SUSD4: variants seen among roughly 807,000 people sequenced by gnomAD.
SUSD4 encodes the protein sushi domain containing 4, also known as sushi domain-containing protein 4.
SUSD4 carries 41 observed loss-of-function variants against 50.5 expected under a neutral mutation model. The ratio of observed to expected loss-of-function variants is 0.81; its 90% CI spans 0.63 to 1.05. SUSD4 has a LOEUF of 1.05. SUSD4 is among the 50% of genes least tolerant of loss of function. SUSD4 has a pLI of 0.00. For missense variants in SUSD4, 580 were observed against 634.7 expected, an observed-to-expected ratio of 0.91 and a Z score of 0.93; for synonymous variants, 257 against 257.3, an observed-to-expected ratio of 1.00 and a Z score of 0.01.
chr1:223,329,921 G>T (rs768812501), intron 2 of SUSD4, among the ~76,000 whole-genome samples: 2 of 152,166 alleles, frequency 1.3e-5, no homozygotes, highest in Non-Finnish European at 2.9e-5. Context: ...TGAACAGATG[G>T]ACAGATGAAT....
chr1:223,301,450 G>A (rs139164128), intron 2 of SUSD4, among the ~76,000 whole-genome samples: 1 of 152,210 alleles, frequency 6.6e-6, no homozygotes, highest in African/African-American at 2.4e-5. Context: ...TTGGTTTCAT[G>A]AAACAGAGTT....
chr1:223,248,247 T>C (rs191195363), intron 5 of SUSD4, among the ~76,000 whole-genome samples: 78 of 152,296 alleles, frequency 5.1e-4, no homozygotes, highest in African/African-American at 1.8e-3. Flanking sequence ...GGAAAGCCAG[T>C]GAGCCTGTAT....
At chr1:223,342,029 G>C (rs553832135) in intron 2 of SUSD4, among the ~76,000 whole-genome samples, 3 of 152,148 alleles carry the variant, frequency 2.0e-5, no homozygotes, top group Admixed American at 6.5e-5. Flanking sequence ...CAGCCCAGAC[G>C]AGTCTCCAAA....
chr1:223,297,013 A>G (rs1664868175), intron 2 of SUSD4, among the ~76,000 whole-genome samples: 1 of 152,254 alleles, frequency 6.6e-6, no homozygotes, highest in Admixed American at 6.5e-5. Flanking sequence ...ACCATCAAGA[A>G]GAAAGACCTG....
chr1:223,355,032 A>T (rs1572130728), intron 2 of SUSD4, among the ~76,000 whole-genome samples: 1 of 150,528 alleles, frequency 6.6e-6, no homozygotes, highest in Non-Finnish European at 1.5e-5. Flanking sequence ...ATTTCAGCTC[A>T]CTGCACTTCT....
chr1:223,323,884 T>C (rs980636516), intron 2 of SUSD4, among the ~76,000 whole-genome samples: 3 of 151,720 alleles, frequency 2.0e-5, no homozygotes, highest in Admixed American at 1.3e-4. Flanking sequence ...ACAACCCAGA[T>C]AGAAAGTCTG....
chr1:223,281,575 C>G (rs1313499593), intron 3 of SUSD4, among the ~76,000 whole-genome samples: 1 of 152,174 alleles, frequency 6.6e-6, no homozygotes, highest in Non-Finnish European at 1.5e-5. Flanking sequence ...ATAACAGGCT[C>G]TGAAATTGAG....
At chr1:223,363,220 G>C in intron 2 of SUSD4, 58 bp downstream of exon 2, 3 of 1,440,322 alleles carry the variant, frequency 2.1e-6, no homozygotes. Flanking sequence ...CTGGCAGCTA[G>C]GCTCTTTCTC....
chr1:223,298,657 C>T (rs1359751787), intron 2 of SUSD4, among the ~76,000 whole-genome samples: 1 of 152,176 alleles, frequency 6.6e-6, no homozygotes, highest in Non-Finnish European at 1.5e-5. Flanking sequence ...TGTTCTCTCT[C>T]AGAGAAGGAC....
intron 3 of SUSD4, among the ~76,000 whole-genome samples, chr1:223,272,900 A>G (rs905000685): frequency 6.6e-6 from 1 of 152,154 alleles, no homozygotes; most frequent in Non-Finnish European, 1.5e-5. Context: ...CAGCACTTGC[A>G]TGGGAGAAGA....
At chr1:223,322,691 T>C (rs950796688) in intron 2 of SUSD4, among the ~76,000 whole-genome samples, 3 of 152,126 alleles carry the variant, frequency 2.0e-5, no homozygotes, top group Non-Finnish European at 2.9e-5. Flanking sequence ...TGTGTGTGCA[T>C]ATGCATGCGA....
chr1:223,227,528 T>G lies in SUSD4; in HGVS notation c.1061+66A>C. On this transcript the variant is annotated intron_variant, in intron 7 of 8. Coordinates refer to ENST00000366878, the MANE Select transcript of SUSD4 (RefSeq NM_017982.4). The surrounding 1 kb of genome is among the most constrained non-coding windows in gnomAD (Gnocchi z 4.5). ...AACTTTTCACTCATCACTTTCTCCCTCTGCTGCTAAGGGTAGCTGCATTGA... is the reference window on the plus strand; with the variant it reads ...AACTTTTCACTCATCACTTTCTCCCGCTGCTGCTAAGGGTAGCTGCATTGA... 6.4e-7 allele frequency: 1 copy of G among 1,566,492 alleles called. No individual in the cohort carries two copies. Among genetic ancestry groups the G allele is most frequent in the Non-Finnish European group, 8.7e-7 (1 of 1,146,786 alleles).
chr1:223,311,255 A>G (rs893668885), intron 2 of SUSD4, among the ~76,000 whole-genome samples: 2 of 152,228 alleles, frequency 1.3e-5, no homozygotes, highest in Admixed American at 6.5e-5. Context: ...TATGCTGTCA[A>G]TGGAGTTAGT....
At chr1:223,247,042 C>A (rs1467110403) in intron 5 of SUSD4, among the ~76,000 whole-genome samples, 1 of 152,052 alleles carries the variant, frequency 6.6e-6, no homozygotes, top group Non-Finnish European at 1.5e-5. Flanking sequence ...GCCACTGAGC[C>A]CAGGTGCTTT....
intron 2 of SUSD4, among the ~76,000 whole-genome samples, chr1:223,305,272 G>A (rs1203283584): frequency 1.3e-5 from 2 of 152,070 alleles, no homozygotes; most frequent in Non-Finnish European, 2.9e-5. Context: ...TGGTCTCTTT[G>A]GGGGTGTGCA....
intron 2 of SUSD4, among the ~76,000 whole-genome samples, chr1:223,344,810 G>C (rs1403357774): frequency 6.6e-6 from 1 of 152,200 alleles, no homozygotes. Context: ...AGGGTAGGCA[G>C]ATTGCTTCCT....
intron 4 of SUSD4, among the ~76,000 whole-genome samples, chr1:223,267,971 T>A (rs970000484): frequency 2.8e-5 from 4 of 143,316 alleles, no homozygotes; most frequent in Non-Finnish European, 6.0e-5. Context: ...CTTGTTCGGA[T>A]GAAATTTGAA....
At chr1:223,362,927 G>GT (rs1553315469) in intron 2 of SUSD4, among the ~76,000 whole-genome samples, 25 of 43,722 alleles carry the variant, frequency 5.7e-4, no homozygotes, top group African/African-American at 1.8e-3. Context: ...ACTCCCCACT[G>GT]CCCCCACCCC....
At position 223,299,266 on chromosome 1, in the gene SUSD4, C is replaced by A. The variant is rs371593875; in HGVS notation, c.149-6615G>T. On this transcript the variant is annotated intron_variant, in intron 2 of 8. Coordinates refer to ENST00000366878, the MANE Select transcript of SUSD4 (RefSeq NM_017982.4). ...GTGTTAGGGAAGCAGAGTGGAAAAT[C>A]ATTTGCATGCAGGCCCATTCAAATA... Among the ~76,000 whole-genome samples, 91 of 152,248 alleles carry A rather than the reference C, an allele frequency of 6.0e-4. 1 individual carries two copies. The East Asian group carries it at 8.9e-3, about 15-fold the overall frequency.
Sources: gnomAD v4.1 joint callset for allele counts (sites outside exome capture counted in the v4.1 genomes callset) on GRCh38, gnomAD v4.1.1 for gene constraint, Gnocchi (gnomAD v3.1) non-coding constraint, MANE v1.5 for transcripts, NCBI Gene and HGNC (gene_info 2026-07-23, HGNC 2026-07-21) for gene names.